The following TIMM22 variants were observed in gnomAD, a reference collection of about 807,000 sequenced individuals.
TIMM22 encodes the protein translocase of inner mitochondrial membrane 22.
TIMM22 carries 12 observed loss-of-function variants against 18.3 expected under a neutral mutation model. The ratio of observed to expected loss-of-function variants is 0.65; its 90% CI spans 0.42 to 1.06. The LOEUF (loss-of-function observed/expected upper bound fraction) is 1.06, where lower values mean the gene tolerates loss of function less well. Among genes scored for constraint, TIMM22 ranks in the 50% least tolerant of loss-of-function variants. TIMM22 has a pLI of 0.00. For missense variants in TIMM22, 278 were observed against 252.8 expected, an observed-to-expected ratio of 1.10 and a Z score of -0.68; for synonymous variants, 107 against 98.5, an observed-to-expected ratio of 1.09 and a Z score of -0.51.
At position 997,236 on chromosome 17, in the gene TIMM22, C is replaced by T. The variant is rs112076795; in HGVS notation, c.94C>T (p.Leu32=). ...PLQYSLLLQY[L]VGDKRQPRLL... ...GCAGTACAGCCTGCTCCTGCAGTACCTGGTGGGTGACAAGCGTCAGCCCCG... is the reference window on the plus strand; with the variant it reads ...GCAGTACAGCCTGCTCCTGCAGTACTTGGTGGGTGACAAGCGTCAGCCCCG... Residue 32 remains leucine, a synonymous_variant, in exon 1 of 4, where the codon CTG becomes TTG. Transcript: ENST00000327158. 1,265 of 1,613,438 alleles carry T rather than the reference C, an allele frequency of 7.8e-4. 8 individuals carry two copies. The African/African-American group carries it at 0.012, about 15-fold the overall frequency.
chr17:1,000,137 G>C (rs2069729615), intron 3 of TIMM22, among the ~76,000 whole-genome samples: 1 of 151,922 alleles, frequency 6.6e-6, no homozygotes, highest in Non-Finnish European at 1.5e-5. Context: ...GCCTGCCTCA[G>C]CCTCCCAAAG....
Position 997,243 on chromosome 17 carries a change from G to A in TIMM22, c.101G>A (p.Gly34Asp). The A allele has an allele frequency of 6.2e-7, 1 of 1,613,528 alleles. No individual in the cohort carries two copies. Among genetic ancestry groups the A allele is most frequent in the Non-Finnish European group, 8.5e-7 (1 of 1,179,958 alleles). ...QYSLLLQYLV[G>D]DKRQPRLLEP... is the part of the protein sequence containing the mutation. The stretch of plus-strand genomic sequence containing the variant: ...AGCCTGCTCCTGCAGTACCTGGTGG[G>A]TGACAAGCGTCAGCCCCGGCTCCTG... Residue 34 changes from glycine to aspartate, a missense_variant, in exon 1 of 4, where the codon GGT (glycine) becomes GAT (aspartate). Physicochemically the swap from Gly to Asp is moderately conservative, Grantham distance 94. Coordinates refer to ENST00000327158, the MANE Select transcript of TIMM22 (RefSeq NM_013337.4).
chr17:1,003,398 G>A lies in TIMM22; in HGVS notation c.*2310G>A, dbSNP rs2069802193. On this transcript the variant is annotated 3_prime_UTR_variant, in exon 4 of 4. Coordinates refer to ENST00000327158, the MANE Select transcript of TIMM22 (RefSeq NM_013337.4). ...CCCGTGGGCCACAGGGAGGCTCAAG[G>A]GGAGTGAACTAGGTAAACAGATTCC... is the stretch of plus-strand genomic sequence containing the variant. The A allele has an allele frequency of 6.6e-6, 1 of 152,456 alleles. No homozygotes were observed. Among genetic ancestry groups the A allele is most frequent in the East Asian group, 1.9e-4 (1 of 5,184 alleles). 9.4% of individuals were successfully genotyped at this position (152,456 alleles called of 1,614,324 possible).
At chr17:998,637 G>A in intron 1 of TIMM22, 142 bp from the exon 2 acceptor site, 3 of 735,198 alleles carry the variant, frequency 4.1e-6, no homozygotes, top group Non-Finnish European at 6.4e-6. Context: ...AAGTCTCCAG[G>A]CAAGTGGAGA....
intron 2 of TIMM22, 38 bp from the exon 3 acceptor site, chr17:999,474 T>G: frequency 6.2e-7 from 1 of 1,609,732 alleles, no homozygotes; most frequent in Non-Finnish European, 8.5e-7. Flanking sequence ...TGCCTTGGCT[T>G]GTTTCTTTGG....
chr17:997,480 G>A, intron 1 of TIMM22, 100 bp downstream of exon 1: 2 of 1,206,406 alleles, frequency 1.7e-6, no homozygotes, highest in Non-Finnish European at 2.3e-6. Flanking sequence ...GGGACTGCGG[G>A]CCTTGACCTT....
rs2069790060 is a variant in TIMM22 at position 1,003,137 on chromosome 17, AT to A, written c.*2050del. 1 of 152,208 alleles carries A rather than the reference AT, an allele frequency of 6.6e-6. No individual in the cohort carries two copies. The highest frequency in any genetic ancestry group is 2.1e-4 in the South Asian group (1 of 4,836). The allele number at this position is 152,208 out of a possible 1,614,324, so 9.4% of individuals were successfully genotyped here. ...ATTAGACCAAAAGGCTGCCTCAAAG[AT>A]ATGCCACTTTGAAGGAAAGCGTAGA... On this transcript the variant is annotated 3_prime_UTR_variant, in exon 4 of 4. Coordinates refer to ENST00000327158, the MANE Select transcript of TIMM22 (RefSeq NM_013337.4).
At chr17:997,481 C>A in intron 1 of TIMM22, 101 bp downstream of exon 1, 2 of 1,102,450 alleles carry the variant, frequency 1.8e-6, no homozygotes, top group Non-Finnish European at 2.6e-6. Context: ...GGACTGCGGG[C>A]CTTGACCTTG....
rs5818774 is a variant in TIMM22, at chr17:999,335, A to C, written c.436-177A>C. Among the ~76,000 whole-genome samples, 381 of 118,848 alleles carry C rather than the reference A, an allele frequency of 3.2e-3. 4 individuals carry two copies. Among genetic ancestry groups the C allele is most frequent in the South Asian group, 9.9e-3 (34 of 3,428 alleles). The allele number at this position is 118,848 out of a possible 152,430, so 78.0% of individuals were successfully genotyped here. A position where few individuals can be genotyped will look rare whatever the true frequency, so the allele number is the denominator to read the frequency against. On this transcript the variant is annotated intron_variant, in intron 2 of 3. Coordinates refer to ENST00000327158, the MANE Select transcript of TIMM22 (RefSeq NM_013337.4). ...CTATGAACGCATACTATATATATAT[A>C]TATATATATATATATATATATATAC...
intron 2 of TIMM22, 127 bp downstream of exon 2, chr17:999,102 T>G (rs546432136): frequency 1.0e-6 from 1 of 981,480 alleles, no homozygotes; most frequent in Admixed American, 2.8e-5. Flanking sequence ...ATCAGATACA[T>G]TCTAGGTTGA....
intron 3 of TIMM22, among the ~76,000 whole-genome samples, chr17:1,000,632 GAGA>G (rs2069734957): frequency 6.6e-6 from 1 of 152,124 alleles, no homozygotes; most frequent in Non-Finnish European, 1.5e-5. Flanking sequence ...GGGCCTCTTT[GAGA>G]AGCTCTGCTG....
rs2069784282 is a variant in TIMM22 at position 1,003,004 on chromosome 17, A to G, written c.*1916A>G. 6.6e-6 allele frequency: 1 copy of G among 152,096 alleles called. No homozygotes were observed. Among genetic ancestry groups the G allele is most frequent in the African/African-American group, 2.4e-5 (1 of 41,412 alleles). The allele number at this position is 152,096 out of a possible 1,614,324, so 9.4% of individuals were successfully genotyped here. The stretch of plus-strand genomic sequence containing the variant: ...AGAGACATCTGTTCCTGATCTTCAG[A>G]ATAAACTCAGTGTCCAGTTGCTTCG... On this transcript the variant is annotated 3_prime_UTR_variant, in exon 4 of 4. Transcript: ENST00000327158.
chr17:998,544 T>A (rs939237854), intron 1 of TIMM22, among the ~76,000 whole-genome samples: 1 of 152,042 alleles, frequency 6.6e-6, no homozygotes, highest in Admixed American at 6.5e-5. Context: ...AAAGATGGAA[T>A]CTTGAGAAAT....
intron 3 of TIMM22, among the ~76,000 whole-genome samples, chr17:999,930 C>T (rs1273443083): frequency 6.6e-6 from 1 of 151,792 alleles, no homozygotes; most frequent in Non-Finnish European, 1.5e-5. Context: ...GACCGAATCT[C>T]ACTCTGTCGC....
chr17:998,569 G>A (rs2150664679), intron 1 of TIMM22, among the ~76,000 whole-genome samples: 1 of 152,298 alleles, frequency 6.6e-6, no homozygotes, highest in Middle Eastern at 3.4e-3. Context: ...GGGAATGACA[G>A]GAGGAAGAAA....
rs756803749 is a variant in TIMM22 at position 1,000,989 on chromosome 17, T to C, written c.509-23T>C. On this transcript the variant is annotated intron_variant, in intron 3 of 3. Coordinates refer to ENST00000327158, the MANE Select transcript of TIMM22 (RefSeq NM_013337.4). ...ACCCAGCAGCTGTCACCACAGGTCA[T>C]GTTCTTTCTGTTTGTTTGACAGCTG... 9.9e-6 allele frequency: 16 copies of C among 1,613,438 alleles called. No homozygotes were observed. The East Asian group carries it at 2.7e-4, about 27-fold the overall frequency.
intron 1 of TIMM22, 46 bp from the exon 2 acceptor site, chr17:998,733 G>A (rs1479666090): frequency 6.3e-7 from 1 of 1,590,876 alleles, no homozygotes; most frequent in Non-Finnish European, 8.6e-7. Context: ...ATAGAGTAAT[G>A]CAGAAAACAT....
intron 3 of TIMM22, among the ~76,000 whole-genome samples, chr17:1,000,662 G>C (rs1211270514): frequency 6.6e-6 from 1 of 152,168 alleles, no homozygotes; most frequent in Admixed American, 6.5e-5. Context: ...GTACTGCTTT[G>C]ATCACCTTCC....
Position 1,001,091 on chromosome 17 carries a change from G to T in TIMM22, c.*3G>T. On this transcript the variant is annotated 3_prime_UTR_variant, in exon 4 of 4. Coordinates refer to ENST00000327158, the MANE Select transcript of TIMM22 (RefSeq NM_013337.4). The stretch of plus-strand genomic sequence containing the variant: ...CGATTGATTATTACCTCCGGTGAGA[G>T]TAATTGCCTGCAGGGAAGGATGATG... 6.2e-7 allele frequency: 1 copy of T among 1,613,520 alleles called. No homozygotes were observed. The highest frequency in any genetic ancestry group is 1.3e-5 in the African/African-American group (1 of 75,038).
Sources: allele counts gnomAD v4.1 joint callset (sites outside exome capture counted in the v4.1 genomes callset), GRCh38; gene constraint gnomAD v4.1.1; transcripts MANE v1.5; gene names NCBI Gene and HGNC (gene_info 2026-07-23, HGNC 2026-07-21).